LINGO2: variants seen among roughly 807,000 people sequenced by gnomAD.
LINGO2 encodes the protein leucine-rich repeat and immunoglobulin-like domain-containing nogo receptor-interacting protein 2.
LINGO2 carries 14 observed loss-of-function variants against 30.6 expected under a neutral mutation model. That is an observed-to-expected ratio of 0.46 (90% CI 0.30 to 0.72). LINGO2 has a LOEUF of 0.72. Ranked by LOEUF, LINGO2 falls within the 30% of genes least tolerant of loss-of-function variation. LINGO2 has a pLI of 0.07. For missense variants in LINGO2, 729 were observed against 751.7 expected (o/e 0.97, Z 0.35); for synonymous variants, 317 against 288.5 (o/e 1.10, Z -1.00).
chr9:28,035,822 C>T (rs556790597), intron 4 of LINGO2, among the ~76,000 whole-genome samples: 40 of 152,036 alleles, frequency 2.6e-4, no homozygotes, highest in African/African-American at 9.6e-4. Flanking sequence ...TCCTAATTAG[C>T]TTTTGTAAAT....
intron 4 of LINGO2, among the ~76,000 whole-genome samples, chr9:28,229,528 G>A (rs1280754691): frequency 2.0e-5 from 3 of 151,710 alleles, no homozygotes; most frequent in Non-Finnish European, 3.0e-5. Flanking sequence ...AAATGGCAGT[G>A]TTAATTTTAG....
At position 28,153,419 on chromosome 9, in the gene LINGO2, C is replaced by A. The variant is rs181391713; in HGVS notation, c.-86-141014G>T. On this transcript the variant is annotated intron_variant, in intron 4 of 5. Coordinates refer to ENST00000379992, the Ensembl canonical transcript of LINGO2. The stretch of plus-strand genomic sequence containing the variant: ...TAATTCTAATATATACAGACCTTGT[C>A]TAGATTATTTATTGCTGTAACCCAG... 2.2e-3 allele frequency among the ~76,000 whole-genome samples: 331 copies of A among 152,198 alleles called. 2 individuals carry two copies. The highest frequency in any genetic ancestry group is 7.7e-3 in the African/African-American group (320 of 41,542).
intron 4 of LINGO2, among the ~76,000 whole-genome samples, chr9:28,082,074 A>G (rs1378995263): frequency 6.6e-6 from 1 of 152,170 alleles, no homozygotes; most frequent in African/African-American, 2.4e-5. Context: ...CTTTTGACAC[A>G]TGCTATCACA....
At chr9:29,063,355 G>A in the LINGO2 span, among the ~76,000 whole-genome samples, 2 of 151,392 alleles carry the variant, frequency 1.3e-5, no homozygotes, top group African/African-American at 4.9e-5. Flanking sequence ...CTCACTTCAA[G>A]CAACAGTTCT....
the LINGO2 span, among the ~76,000 whole-genome samples, chr9:28,850,875 T>G: frequency 6.6e-6 from 1 of 152,042 alleles, no homozygotes; most frequent in Non-Finnish European, 1.5e-5. Context: ...AAATGCCCAC[T>G]TTGAACATGT....
intron 5 of LINGO2, 134 bp from the exon 7 acceptor site, chr9:27,950,840 C>A: frequency 2.3e-6 from 1 of 430,310 alleles, no homozygotes; most frequent in Non-Finnish European, 4.0e-6. Context: ...GGGCATAAAC[C>A]TGATGGACGA....
At chr9:28,867,988 T>C in the LINGO2 span, among the ~76,000 whole-genome samples, 3 of 152,140 alleles carry the variant, frequency 2.0e-5, no homozygotes, top group Admixed American at 1.3e-4. Flanking sequence ...TGTAAAAGCA[T>C]CCAGTTTACT....
chr9:28,109,355 C>T (rs2133352264), intron 4 of LINGO2, among the ~76,000 whole-genome samples: 1 of 152,308 alleles, frequency 6.6e-6, no homozygotes, highest in Middle Eastern at 3.4e-3. Flanking sequence ...TGCCCTCTCT[C>T]ACCACTCCTG....
the LINGO2 span, among the ~76,000 whole-genome samples, chr9:28,683,953 T>A: frequency 6.6e-6 from 1 of 152,164 alleles, no homozygotes; most frequent in African/African-American, 2.4e-5. Context: ...TCTTACTCTT[T>A]AAGTATATGA....
At chr9:28,185,889 T>G (rs1819523245) in intron 4 of LINGO2, among the ~76,000 whole-genome samples, 1 of 152,150 alleles carries the variant, frequency 6.6e-6, no homozygotes. Context: ...ATTTCTAAGA[T>G]TATACTTTGA....
the LINGO2 span, among the ~76,000 whole-genome samples, chr9:29,150,006 G>C: frequency 6.6e-6 from 1 of 152,164 alleles, no homozygotes; most frequent in African/African-American, 2.4e-5. Flanking sequence ...CCTAGGAGCA[G>C]GCTTGGTAAA....
At chr9:28,261,887 T>C (rs1002946950) in intron 4 of LINGO2, among the ~76,000 whole-genome samples, 8 of 151,942 alleles carry the variant, frequency 5.3e-5, no homozygotes, top group Admixed American at 1.3e-4. Context: ...TAAAAGGTCA[T>C]AAATTAATTT....
intron 4 of LINGO2, among the ~76,000 whole-genome samples, chr9:28,199,401 C>T (rs571408021): frequency 1.8e-4 from 27 of 150,438 alleles, no homozygotes; most frequent in African/African-American, 4.4e-4. Context: ...TGCAGTGGCG[C>T]GATCTTGGCT....
the LINGO2 span, among the ~76,000 whole-genome samples, chr9:28,968,726 A>G: frequency 1.3e-5 from 2 of 152,290 alleles, no homozygotes; most frequent in African/African-American, 4.8e-5. Context: ...TTCCATAACT[A>G]GTTTCATTTT....
intron 4 of LINGO2, among the ~76,000 whole-genome samples, chr9:28,153,891 G>C (rs985384654): frequency 8.5e-5 from 13 of 152,096 alleles, no homozygotes; most frequent in Non-Finnish European, 1.8e-4. Context: ...ATTTCATTAA[G>C]GAAAGCAAAT....
chr9:28,812,116 C>T, the LINGO2 span, among the ~76,000 whole-genome samples: 7 of 151,578 alleles, frequency 4.6e-5, no homozygotes, highest in African/African-American at 9.7e-5. Flanking sequence ...CATCAATTAG[C>T]GTATATTTAG....
chr9:28,457,646 G>T (rs942968617), intron 2 of LINGO2, among the ~76,000 whole-genome samples: 1 of 151,862 alleles, frequency 6.6e-6, no homozygotes, highest in African/African-American at 2.4e-5. Context: ...TGCCCAAGTT[G>T]GTCTCCAACT....
chr9:28,602,730 A>C (rs957519248), intron 1 of LINGO2, among the ~76,000 whole-genome samples: 5 of 152,192 alleles, frequency 3.3e-5, no homozygotes, highest in Non-Finnish European at 4.4e-5. Flanking sequence ...TTTCAGAAAA[A>C]TCCATATTTA....
At chr9:28,307,453 A>G (rs2134237127) in intron 3 of LINGO2, among the ~76,000 whole-genome samples, 1 of 152,332 alleles carries the variant, frequency 6.6e-6, no homozygotes, top group Admixed American at 6.5e-5. Flanking sequence ...GCTATCTATG[A>G]CAAACCCACA....
Sources: gnomAD v4.1 joint callset for allele counts (sites outside exome capture counted in the v4.1 genomes callset) on GRCh38, gnomAD v4.1.1 for gene constraint, MANE v1.5 for transcripts, NCBI Gene and HGNC (gene_info 2026-07-23, HGNC 2026-07-21) for gene names.